KLHL1: variants seen among roughly 807,000 people sequenced by gnomAD.
KLHL1 encodes kelch like family member 1.
A neutral mutation model predicts 77.7 loss-of-function variants in KLHL1; 47 were observed. That is an observed-to-expected ratio of 0.60 (90% CI 0.48 to 0.77). The LOEUF (loss-of-function observed/expected upper bound fraction) is 0.77. Ranked by LOEUF, KLHL1 falls within the 30% of genes least tolerant of loss-of-function variation. KLHL1 has a pLI of 0.00. For synonymous variants in KLHL1, 360 were observed against 325.2 expected (o/e 1.11, Z -1.15); for missense variants, 925 against 910.8 (o/e 1.02, Z -0.20).
intron 7 of KLHL1, among the ~76,000 whole-genome samples, chr13:69,756,109 A>T (rs1397688942): frequency 1.3e-5 from 2 of 152,100 alleles, no homozygotes; most frequent in Non-Finnish European, 2.9e-5. Flanking sequence ...CCTGAGCCAC[A>T]TAAGTAAGTT....
chr13:69,937,064 T>C (rs1342131468), intron 4 of KLHL1, among the ~76,000 whole-genome samples: 1 of 152,154 alleles, frequency 6.6e-6, no homozygotes, highest in African/African-American at 2.4e-5. Context: ...AAAGGATTGC[T>C]GGATAAAAAT....
intron 1 of KLHL1, among the ~76,000 whole-genome samples, chr13:70,007,483 C>A (rs1185912265): frequency 6.6e-6 from 1 of 150,828 alleles, no homozygotes; most frequent in African/African-American, 2.4e-5. Flanking sequence ...AAGTGAAATT[C>A]AAACTTTGAG....
chr13:70,004,958 A>G (rs982514977), intron 1 of KLHL1, among the ~76,000 whole-genome samples: 3 of 151,650 alleles, frequency 2.0e-5, no homozygotes, highest in Non-Finnish European at 4.4e-5. Flanking sequence ...AAATATTACA[A>G]GTAATTTTAA....
At chr13:70,103,749 A>C (rs1256598960) in intron 1 of KLHL1, among the ~76,000 whole-genome samples, 1 of 152,204 alleles carries the variant, frequency 6.6e-6, no homozygotes, top group East Asian at 1.9e-4. Flanking sequence ...ATTCGTAGAA[A>C]GCTATTCTCT....
At position 69,961,369 on chromosome 13, in the gene KLHL1, C is replaced by A. The variant is rs1459473563; in HGVS notation, c.756G>T (p.Glu252Asp). 11 of 1,613,124 alleles carry A rather than the reference C, an allele frequency of 6.8e-6. No homozygotes were observed. The highest frequency in any genetic ancestry group is 9.3e-6 in the Non-Finnish European group (11 of 1,179,406). Residue 252 changes from glutamate to aspartate, a missense_variant, in exon 3 of 11, where the codon GAG becomes GAT. Transcript: ENST00000377844. ...TSDVCEAKQE[E>D]IKMEGIDPNA... ...TGGGGTCTATGCCTTCCATTTTGAT[C>A]TCCTCTTGCTTGGCTTCACAAACAT... is the stretch of plus-strand genomic sequence containing the variant.
chr13:69,775,072 G>A (rs756391767), intron 7 of KLHL1, among the ~76,000 whole-genome samples: 20 of 152,018 alleles, frequency 1.3e-4, no homozygotes, highest in African/African-American at 2.4e-4. Flanking sequence ...ATACCAATGC[G>A]TTTTTTAAAG....
intron 9 of KLHL1, 66 bp from the exon 10 acceptor site, chr13:69,707,862 T>A (rs1875697227): frequency 1.2e-5 from 16 of 1,373,706 alleles, no homozygotes; most frequent in Non-Finnish European, 1.6e-5. Flanking sequence ...ATAAAAATTT[T>A]ACTTTTTACA....
At chr13:69,762,977 C>A (rs147480557) in intron 7 of KLHL1, among the ~76,000 whole-genome samples, 2 of 152,142 alleles carry the variant, frequency 1.3e-5, no homozygotes, top group East Asian at 3.9e-4. Context: ...TTGTCCACTC[C>A]TCTTAACCTA....
Position 69,812,420 on chromosome 13 carries a change from A to T in KLHL1, c.1415-15458T>A, listed in dbSNP as rs149763152. ...ATTCAGAACATAGGCATAGGCAAGG[A>T]CTTCATGTCTAAAACACCAAAAGCA... On this transcript the variant is annotated intron_variant, in intron 6 of 10. Transcript: ENST00000377844. Among the ~76,000 whole-genome samples the T allele has an allele frequency of 9.8e-5, 15 of 152,338 alleles. 1 individual carries two copies. The highest frequency in any genetic ancestry group is 3.4e-3 in the Middle Eastern group (1 of 294).
chr13:69,972,400 T>A (rs917556921), intron 2 of KLHL1, among the ~76,000 whole-genome samples: 2 of 151,922 alleles, frequency 1.3e-5, no homozygotes, highest in African/African-American at 4.8e-5. Flanking sequence ...ATGCCAAGTG[T>A]TTTAGTCTGT....
chr13:69,944,446 G>T (rs143721701), intron 3 of KLHL1, among the ~76,000 whole-genome samples: 1 of 152,074 alleles, frequency 6.6e-6, no homozygotes, highest in African/African-American at 2.4e-5. Flanking sequence ...TTATTTTGCC[G>T]TAACAATTCA....
rs1317106190 is a variant in KLHL1, at chr13:69,831,797, T to G, written c.1414+7179A>C. ...AGGGATGCATGGATGTTTTCAAATA[T>G]GCAAGTCAATAGATGTGCTACACAA... On this transcript the variant is annotated intron_variant, in intron 6 of 10. Transcript: ENST00000377844. 2.0e-5 allele frequency among the ~76,000 whole-genome samples: 3 copies of G among 150,196 alleles called. 1 individual carries two copies. The highest frequency in any genetic ancestry group is 7.5e-5 in the African/African-American group (3 of 40,096).
chr13:70,064,146 A>G (rs1307075137), intron 1 of KLHL1, among the ~76,000 whole-genome samples: 2 of 152,192 alleles, frequency 1.3e-5, no homozygotes, highest in African/African-American at 4.8e-5. Context: ...CAGCATAGAA[A>G]CAGAATGAAC....
At chr13:69,861,348 T>C (rs377173634) in intron 5 of KLHL1, among the ~76,000 whole-genome samples, 10 of 152,214 alleles carry the variant, frequency 6.6e-5, no homozygotes, top group African/African-American at 2.4e-4. Flanking sequence ...ATACTTTATA[T>C]GTCTATGAAC....
At chr13:70,062,759 C>T (rs1407569153) in intron 1 of KLHL1, among the ~76,000 whole-genome samples, 2 of 152,020 alleles carry the variant, frequency 1.3e-5, no homozygotes, top group African/African-American at 4.8e-5. Context: ...TGTGGACAAG[C>T]ATACTATTTT....
chr13:69,941,266 G>A (rs911567279), intron 3 of KLHL1, among the ~76,000 whole-genome samples: 2 of 151,700 alleles, frequency 1.3e-5, no homozygotes, highest in Non-Finnish European at 2.9e-5. Flanking sequence ...AGACCACAGT[G>A]GAATAAAACT....
intron 7 of KLHL1, among the ~76,000 whole-genome samples, chr13:69,754,588 C>T (rs962434949): frequency 5.3e-5 from 8 of 152,246 alleles, no homozygotes; most frequent in African/African-American, 1.4e-4. Flanking sequence ...CTGTGTTTTA[C>T]ACTGTGCACT....
chr13:70,073,612 C>T (rs1031488604), intron 1 of KLHL1, among the ~76,000 whole-genome samples: 1 of 151,364 alleles, frequency 6.6e-6, no homozygotes, highest in Admixed American at 6.6e-5. Context: ...CTTGTCTCTA[C>T]AAAAAATTCT....
intron 1 of KLHL1, among the ~76,000 whole-genome samples, chr13:70,030,365 T>A (rs543336441): frequency 3.6e-4 from 54 of 152,066 alleles, no homozygotes; most frequent in Non-Finnish European, 7.1e-4. Context: ...TCAGCAAATG[T>A]AAAAGAACAG....
Sources: allele counts gnomAD v4.1 joint callset (sites outside exome capture counted in the v4.1 genomes callset), GRCh38; gene constraint gnomAD v4.1.1; transcripts MANE v1.5; gene names NCBI Gene and HGNC (gene_info 2026-07-23, HGNC 2026-07-21).